The following GRM1 variants were observed in gnomAD, a reference collection of about 807,000 sequenced individuals.
GRM1 encodes the protein glutamate metabotropic receptor 1.
GRM1 carries 33 observed loss-of-function variants against 90.9 expected under a neutral mutation model. The observed-to-expected ratio is 0.36, with a 90% CI of 0.28 to 0.49. GRM1 has a LOEUF of 0.49. Among genes scored for constraint, GRM1 ranks in the 20% least tolerant of loss-of-function variants. The pLI is 0.99. For missense variants in GRM1, 1,190 were observed against 1,534.3 expected, an observed-to-expected ratio of 0.78 and a Z score of 3.75; for synonymous variants, 700 against 613.2, an observed-to-expected ratio of 1.14 and a Z score of -2.09.
chr6:146,150,931 T>C (rs62434318), intron 1 of GRM1, among the ~76,000 whole-genome samples: 2,974 of 25,290 alleles, frequency 0.12, 104 homozygotes, highest in African/African-American at 0.44. Context: ...CACACACGCG[T>C]GTGCGCGCAC....
intron 2 of GRM1, among the ~76,000 whole-genome samples, chr6:146,223,306 C>T (rs1780133666): frequency 2.6e-5 from 4 of 152,074 alleles, no homozygotes; most frequent in African/African-American, 7.2e-5. Context: ...ACAAGAAAAA[C>T]TTTCCATCTA....
intron 3 of GRM1, among the ~76,000 whole-genome samples, chr6:146,339,346 C>G (rs995035624): frequency 2.0e-5 from 3 of 152,160 alleles, no homozygotes; most frequent in Admixed American, 6.5e-5. Flanking sequence ...ACTTGAAGAA[C>G]ATCTCATAGT....
chr6:146,070,307 A>G (rs1775981640), intron 1 of GRM1, among the ~76,000 whole-genome samples: 1 of 152,196 alleles, frequency 6.6e-6, no homozygotes. Context: ...TACATTAGGA[A>G]AAAAACTGGG....
At chr6:146,236,029 G>A (rs996849687) in intron 2 of GRM1, among the ~76,000 whole-genome samples, 1 of 151,994 alleles carries the variant, frequency 6.6e-6, no homozygotes, top group African/African-American at 2.4e-5. Context: ...GCTTGGAAAT[G>A]GGTTTGCCTT....
intron 1 of GRM1, among the ~76,000 whole-genome samples, chr6:146,105,342 A>G (rs1055806640): frequency 6.6e-6 from 1 of 152,232 alleles, no homozygotes; most frequent in Non-Finnish European, 1.5e-5. Context: ...TAGTAAACTT[A>G]GTACTCCCAA....
chr6:146,201,766 G>A (rs1362651019), intron 2 of GRM1, among the ~76,000 whole-genome samples: 4 of 152,218 alleles, frequency 2.6e-5, no homozygotes, highest in Admixed American at 1.3e-4. Context: ...CACTTTACAA[G>A]TGAAGAGGCT....
intron 1 of GRM1, among the ~76,000 whole-genome samples, chr6:146,110,294 T>G (rs976119192): frequency 1.4e-4 from 22 of 152,132 alleles, no homozygotes; most frequent in African/African-American, 5.1e-4. Context: ...GGGTGGGTCT[T>G]TCCCATGCTG....
intron 5 of GRM1, among the ~76,000 whole-genome samples, chr6:146,370,500 A>G (rs1266491344): frequency 2.0e-5 from 3 of 152,062 alleles, no homozygotes; most frequent in Non-Finnish European, 4.4e-5. Context: ...TTGGCATTTT[A>G]TTTCCCCTTC....
At chr6:146,366,358 T>G (rs1415678114) in intron 5 of GRM1, among the ~76,000 whole-genome samples, 2 of 152,202 alleles carry the variant, frequency 1.3e-5, no homozygotes, top group African/African-American at 4.8e-5. Flanking sequence ...TTCCAATTGT[T>G]CTCTTCTAGC....
At chr6:146,355,944 G>A (rs1399582330) in intron 4 of GRM1, among the ~76,000 whole-genome samples, 1 of 152,216 alleles carries the variant, frequency 6.6e-6, no homozygotes, top group Non-Finnish European at 1.5e-5. Context: ...TAGTCCAGGA[G>A]GACGAGCACT....
intron 1 of GRM1, among the ~76,000 whole-genome samples, chr6:146,101,883 T>C (rs2128870724): frequency 6.6e-6 from 1 of 150,414 alleles, no homozygotes; most frequent in Non-Finnish European, 1.5e-5. Flanking sequence ...ATGTTAATAA[T>C]AATATGAGTG....
At chr6:146,143,331 A>G (rs377196212) in intron 1 of GRM1, among the ~76,000 whole-genome samples, 15 of 152,290 alleles carry the variant, frequency 9.8e-5, no homozygotes, top group African/African-American at 2.4e-4. Context: ...TGTGGGGTTA[A>G]ATAGGAGGAG....
At chr6:146,218,122 C>T (rs1403808284) in intron 2 of GRM1, among the ~76,000 whole-genome samples, 1 of 152,164 alleles carries the variant, frequency 6.6e-6, no homozygotes, top group Non-Finnish European at 1.5e-5. Flanking sequence ...AGAGCGATCA[C>T]TGCTGAGCCT....
intron 2 of GRM1, among the ~76,000 whole-genome samples, chr6:146,290,469 G>T (rs1439900736): frequency 6.6e-6 from 1 of 152,120 alleles, no homozygotes; most frequent in East Asian, 1.9e-4. Flanking sequence ...GCAAACATGT[G>T]CTACCATTCA....
intron 3 of GRM1, among the ~76,000 whole-genome samples, chr6:146,322,785 G>T (rs1489971404): frequency 6.6e-6 from 1 of 151,816 alleles, no homozygotes; most frequent in Non-Finnish European, 1.5e-5. Context: ...CCCAGTGTGG[G>T]ATGTTCCCCT....
At chr6:146,150,457 A>G (rs142932926) in intron 1 of GRM1, among the ~76,000 whole-genome samples, 248 of 152,308 alleles carry the variant, frequency 1.6e-3, no homozygotes, top group African/African-American at 5.1e-3. Context: ...TCCCATATTT[A>G]TGGGGTACAT....
chr6:146,069,710 C>T (rs1364736273), intron 1 of GRM1, among the ~76,000 whole-genome samples: 2 of 152,130 alleles, frequency 1.3e-5, no homozygotes, highest in Non-Finnish European at 2.9e-5. Context: ...CTAACATTAG[C>T]TTAAGAAAGT....
intron 6 of GRM1, among the ~76,000 whole-genome samples, chr6:146,389,651 A>G (rs1450981122): frequency 6.6e-6 from 1 of 152,116 alleles, no homozygotes; most frequent in Non-Finnish European, 1.5e-5. Flanking sequence ...ATGAGCTATC[A>G]TATGCATAAA....
At chr6:146,062,335 G>A (rs748520054) in intron 1 of GRM1, among the ~76,000 whole-genome samples, 57 of 137,170 alleles carry the variant, frequency 4.2e-4, no homozygotes, top group Non-Finnish European at 8.6e-4. Context: ...ACACACTAGG[G>A]CCTGTTGGGG....
Sources: allele counts gnomAD v4.1 joint callset (sites outside exome capture counted in the v4.1 genomes callset), GRCh38; gene constraint gnomAD v4.1.1; transcripts MANE v1.5; gene names NCBI Gene and HGNC (gene_info 2026-07-23, HGNC 2026-07-21).